SDK1: variants seen among roughly 807,000 people sequenced by gnomAD.
SDK1 encodes the protein sidekick cell adhesion molecule 1, also known as protein sidekick-1.
A neutral mutation model predicts 245.5 loss-of-function variants in SDK1; 157 were observed. That is an observed-to-expected ratio of 0.64 (90% CI 0.56 to 0.73). The LOEUF (loss-of-function observed/expected upper bound fraction) is 0.73, where lower values mean the gene tolerates loss of function less well. SDK1 is among the 30% of genes least tolerant of loss of function. The pLI is 0.00. For missense variants in SDK1, 3,583 were observed against 3,002.3 expected (o/e 1.19, Z -4.52); for synonymous variants, 1,647 against 1,278.5 (o/e 1.29, Z -6.15).
At chr7:3,462,857 G>C (rs79468637) in intron 1 of SDK1, among the ~76,000 whole-genome samples, 4 of 152,100 alleles carry the variant, frequency 2.6e-5, no homozygotes, top group African/African-American at 9.7e-5. Context: ...TCATGACATC[G>C]TGCTTTTGGG....
intron 43 of SDK1, 94 bp downstream of exon 43, chr7:4,242,007 C>T (rs1358604337): frequency 1.4e-6 from 2 of 1,453,406 alleles, no homozygotes; most frequent in East Asian, 4.6e-5. Context: ...CTGCATCCCG[C>T]CCTGTGGTTC....
At position 3,864,646 on chromosome 7, in the gene SDK1, G is replaced by A. The variant is rs116236909; in HGVS notation, c.847+43063G>A. Among the ~76,000 whole-genome samples the A allele has an allele frequency of 5.8e-3, 884 of 152,272 alleles. 14 individuals carry two copies. The highest frequency in any genetic ancestry group is 0.02 in the African/African-American group (830 of 41,560). ...GGGCACAGCTGACCTTGGCCGTCCA[G>A]TCTCAGACAGCCCTGGGGATGTGAG... On this transcript the variant is annotated intron_variant, in intron 5 of 44. Transcript: ENST00000404826.
intron 13 of SDK1, among the ~76,000 whole-genome samples, chr7:3,978,805 T>G (rs1360072286): frequency 6.6e-6 from 1 of 152,224 alleles, no homozygotes. Context: ...GAGGTGCTTA[T>G]GACTAAACAA....
chr7:3,528,515 T>TTA (rs1386382280), intron 1 of SDK1, among the ~76,000 whole-genome samples: 1 of 152,042 alleles, frequency 6.6e-6, no homozygotes, highest in Non-Finnish European at 1.5e-5. Context: ...AGGGTTGGGC[T>TTA]GTAAGCGTGT....
chr7:3,990,377 G>C (rs145345744), intron 14 of SDK1, among the ~76,000 whole-genome samples: 27 of 152,344 alleles, frequency 1.8e-4, no homozygotes, highest in Non-Finnish European at 2.8e-4. Context: ...CCAGAGATGG[G>C]GCAGGATAGA....
At chr7:3,450,672 A>G (rs1179169858) in intron 1 of SDK1, among the ~76,000 whole-genome samples, 1 of 152,178 alleles carries the variant, frequency 6.6e-6, no homozygotes, top group African/African-American at 2.4e-5. Context: ...ACAAATGAAG[A>G]TCTTTATTGG....
chr7:3,355,424 T>G (rs1197308615), intron 1 of SDK1, among the ~76,000 whole-genome samples: 4 of 152,210 alleles, frequency 2.6e-5, no homozygotes, highest in Non-Finnish European at 5.9e-5. Context: ...CAAGCAGTCT[T>G]CCTGCTGCCT....
intron 1 of SDK1, among the ~76,000 whole-genome samples, chr7:3,461,668 C>G (rs893700365): frequency 4.6e-5 from 7 of 152,132 alleles, no homozygotes; most frequent in African/African-American, 1.7e-4. Flanking sequence ...TTTTCCTTCT[C>G]TCATTCCCAT....
At chr7:3,336,844 G>A (rs559567551) in intron 1 of SDK1, among the ~76,000 whole-genome samples, 2 of 152,320 alleles carry the variant, frequency 1.3e-5, no homozygotes, top group African/African-American at 4.8e-5. Flanking sequence ...GGCAATGTGA[G>A]TCATCACCCC....
In SDK1 at chr7:3,681,803, C is replaced by G. The variant is rs183233220; in HGVS notation, c.713+39698C>G. ...GCTTTCTATTTATTGATTAACTTTC[C>G]TTTCACATGAATTGGATTAGAACAA... On this transcript the variant is annotated intron_variant, in intron 4 of 44. Transcript: ENST00000404826. Among the ~76,000 whole-genome samples, 110 of 152,240 alleles carry G rather than the reference C, an allele frequency of 7.2e-4. 1 individual carries two copies. The highest frequency in any genetic ancestry group is 1.6e-3 in the Admixed American group (24 of 15,282).
At chr7:3,398,768 G>GTTTTT (rs35147042) in intron 1 of SDK1, among the ~76,000 whole-genome samples, 1 of 136,974 alleles carries the variant, frequency 7.3e-6, no homozygotes, top group African/African-American at 2.7e-5. Flanking sequence ...GCCCCCAGTA[G>GTTTTT]TTTTTTTTTT....
At chr7:4,238,560 C>CT (rs2128237350) in intron 42 of SDK1, among the ~76,000 whole-genome samples, 1 of 133,596 alleles carries the variant, frequency 7.5e-6, no homozygotes, top group African/African-American at 3.2e-5. Context: ...GAGATCCTGT[C>CT]TCTTTTTTTT....
chr7:3,869,366 G>T (rs1205874179), intron 5 of SDK1, among the ~76,000 whole-genome samples: 3 of 152,020 alleles, frequency 2.0e-5, no homozygotes, highest in African/African-American at 7.2e-5. Flanking sequence ...ATGTTAGCCA[G>T]GCTGGTCTCA....
chr7:4,190,520 T>G (rs1204982368), intron 35 of SDK1, among the ~76,000 whole-genome samples: 1 of 152,204 alleles, frequency 6.6e-6, no homozygotes, highest in Non-Finnish European at 1.5e-5. Flanking sequence ...TCGTGTTGTT[T>G]CAGACGTTCC....
intron 5 of SDK1, among the ~76,000 whole-genome samples, chr7:3,853,086 T>A (rs1780458545): frequency 1.3e-5 from 2 of 152,120 alleles, no homozygotes; most frequent in African/African-American, 4.8e-5. Flanking sequence ...GAAAAGTTAG[T>A]TCTCCACGTA....
intron 44 of SDK1, among the ~76,000 whole-genome samples, chr7:4,257,317 A>G (rs1787696562): frequency 6.6e-6 from 1 of 152,164 alleles, no homozygotes; most frequent in Non-Finnish European, 1.5e-5. Context: ...ACTGCATCCA[A>G]TCACTTTCTG....
rs540363840 is a variant in SDK1 at position 3,529,546 on chromosome 7, A to C, written c.299-89534A>C. On this transcript the variant is annotated intron_variant, in intron 1 of 44. Transcript: ENST00000404826. ...CATTAAATAAATGGGAGAGAAGCAA[A>C]GTTTGTTGTTGTTGTTGTTGTTGTT... is the stretch of plus-strand genomic sequence containing the variant. 2.0e-5 allele frequency among the ~76,000 whole-genome samples: 3 copies of C among 151,952 alleles called. No homozygotes were observed. The South Asian group carries it at 6.2e-4, about 32-fold the overall frequency.
rs551751863 is a variant in SDK1, at chr7:4,086,528, G to A, written c.3324+6944G>A. ...TCAGCCATGGTCATTCCCAGCTCCTGGAGGTCACCACGGTCTGTGGCTCGG... is the reference window on the plus strand; with the variant it reads ...TCAGCCATGGTCATTCCCAGCTCCTAGAGGTCACCACGGTCTGTGGCTCGG... On this transcript the variant is annotated intron_variant, in intron 22 of 44. Transcript: ENST00000404826. 2.6e-5 allele frequency among the ~76,000 whole-genome samples: 4 copies of A among 152,224 alleles called. No homozygotes were observed. The South Asian group carries it at 8.3e-4, about 32-fold the overall frequency.
rs58905763 is a variant in SDK1 at position 3,847,984 on chromosome 7, T to G, written c.847+26401T>G. 5.5e-3 allele frequency among the ~76,000 whole-genome samples: 836 copies of G among 152,352 alleles called. 7 individuals are homozygous for G. The highest frequency in any genetic ancestry group is 0.019 in the African/African-American group (778 of 41,580). ...CAGTTATTAATCATACTATCGTACT[T>G]TCCTGCAACATACGTATCACATCTA... On this transcript the variant is annotated intron_variant, in intron 5 of 44. Transcript: ENST00000404826.
Sources: allele counts gnomAD v4.1 joint callset (sites outside exome capture counted in the v4.1 genomes callset), GRCh38; gene constraint gnomAD v4.1.1; transcripts MANE v1.5; gene names NCBI Gene and HGNC (gene_info 2026-07-23, HGNC 2026-07-21).